NOL4: variants seen among roughly 807,000 people sequenced by gnomAD.
The protein encoded by NOL4 is cancer/testis antigen 125.
NOL4 carries 17 observed loss-of-function variants against 75.9 expected under a neutral mutation model. That is an observed-to-expected ratio of 0.22 (90% confidence interval 0.15 to 0.34). The LOEUF is 0.34. Ranked by LOEUF, NOL4 falls within the 10% of genes least tolerant of loss-of-function variation. NOL4 has a pLI of 1.00. For missense variants in NOL4, 614 were observed against 793.5 expected (o/e 0.77, Z 2.72); for synonymous variants, 292 against 289.9 (o/e 1.01, Z -0.07).
intron 5 of NOL4, among the ~76,000 whole-genome samples, chr18:34,044,489 T>C (rs1383400617): frequency 7.8e-6 from 1 of 127,974 alleles, no homozygotes; most frequent in Non-Finnish European, 1.9e-5. Context: ...TAAAAGACAA[T>C]TTTTTGTTAT....
chr18:33,857,359 T>A lies in NOL4; in HGVS notation c.1724-4324A>T, dbSNP rs144368696. 1.1e-3 allele frequency among the ~76,000 whole-genome samples: 160 copies of A among 152,158 alleles called. 1 individual carries two copies. Among genetic ancestry groups the A allele is most frequent in the East Asian group, 2.1e-3 (11 of 5,174 alleles). On this transcript the variant is annotated intron_variant, in intron 10 of 10. Transcript: ENST00000261592. The stretch of plus-strand genomic sequence containing the variant: ...AACTTCTGATAGGACAAGAAGCTTA[T>A]AAGCAGTTTTCTATTACTGTGATTC...
At chr18:34,075,859 A>ATATATT (rs1339269202) in intron 5 of NOL4, among the ~76,000 whole-genome samples, 1 of 152,160 alleles carries the variant, frequency 6.6e-6, no homozygotes, top group Non-Finnish European at 1.5e-5. Flanking sequence ...TGAAATATAT[A>ATATATT]TATATTTCCA....
intron 9 of NOL4, among the ~76,000 whole-genome samples, chr18:33,941,934 T>A (rs1280191256): frequency 6.6e-6 from 1 of 151,952 alleles, no homozygotes; most frequent in African/African-American, 2.4e-5. Context: ...GGTGGCACGA[T>A]TAGCACATTC....
At chr18:33,992,174 T>A (rs1011297910) in intron 6 of NOL4, among the ~76,000 whole-genome samples, 2 of 152,038 alleles carry the variant, frequency 1.3e-5, no homozygotes, top group Non-Finnish European at 2.9e-5. Flanking sequence ...TTGTGATTTA[T>A]AAAATTAAAT....
intron 5 of NOL4, among the ~76,000 whole-genome samples, chr18:34,058,466 C>A (rs1019524494): frequency 6.6e-6 from 1 of 152,078 alleles, no homozygotes; most frequent in Non-Finnish European, 1.5e-5. Context: ...TTTGCCCCTG[C>A]TTTGTCCTGC....
At chr18:34,064,829 T>C (rs911122661) in intron 5 of NOL4, among the ~76,000 whole-genome samples, 7 of 151,890 alleles carry the variant, frequency 4.6e-5, no homozygotes, top group Middle Eastern at 3.4e-3. Flanking sequence ...AAGTATGTTC[T>C]ATATTTTCTA....
chr18:33,886,986 T>C (rs1599748732), intron 9 of NOL4, among the ~76,000 whole-genome samples: 1 of 140,146 alleles, frequency 7.1e-6, no homozygotes. Flanking sequence ...CATATATATC[T>C]ATATATCTAG....
intron 6 of NOL4, among the ~76,000 whole-genome samples, chr18:34,005,206 T>C (rs2146270099): frequency 6.6e-6 from 1 of 152,214 alleles, no homozygotes; most frequent in South Asian, 2.1e-4. Context: ...GCTTTGAGAT[T>C]TGTCCTCCAG....
intron 1 of NOL4, among the ~76,000 whole-genome samples, chr18:34,199,142 G>T (rs1398977943): frequency 2.4e-5 from 3 of 125,726 alleles, no homozygotes; most frequent in Non-Finnish European, 5.1e-5. Context: ...CTGGGACAGA[G>T]AAGTTTTTTT....
chr18:34,139,169 T>C (rs1365402616), intron 1 of NOL4, among the ~76,000 whole-genome samples: 3 of 152,204 alleles, frequency 2.0e-5, no homozygotes, highest in African/African-American at 4.8e-5. Context: ...CAGGCTTTGG[T>C]ATCAGGATGA....
intron 5 of NOL4, among the ~76,000 whole-genome samples, chr18:34,088,149 C>A (rs2145482138): frequency 6.6e-6 from 1 of 152,014 alleles, no homozygotes; most frequent in East Asian, 1.9e-4. Flanking sequence ...AGTGTTAACT[C>A]AGAAAAGTGA....
intron 6 of NOL4, among the ~76,000 whole-genome samples, chr18:33,960,559 C>T (rs1440549081): frequency 6.6e-6 from 1 of 152,082 alleles, no homozygotes; most frequent in African/African-American, 2.4e-5. Flanking sequence ...TATCACTACA[C>T]ATTTGGTTTT....
chr18:34,223,362 C>G lies in NOL4; in HGVS notation c.-109G>C. On this transcript the variant is annotated 5_prime_UTR_variant, in exon 1 of 11. Coordinates refer to ENST00000261592, the MANE Select transcript of NOL4 (RefSeq NM_003787.5). The stretch of plus-strand genomic sequence containing the variant: ...GCCACGTTGCAGGGATGCGAGGTCC[C>G]GGCCGCAGCGGGAGCCTGCTTTGGG... The G allele has an allele frequency of 5.4e-6, 8 of 1,468,042 alleles. No homozygotes were observed. The South Asian group carries it at 8.0e-5, about 15-fold the overall frequency. The allele number at this position is 1,468,042 out of a possible 1,614,324, so 90.9% of individuals were successfully genotyped here.
chr18:34,159,756 T>G (rs1490907530), intron 1 of NOL4, among the ~76,000 whole-genome samples: 1 of 152,092 alleles, frequency 6.6e-6, no homozygotes, highest in East Asian at 1.9e-4. Flanking sequence ...GCCGGATCCT[T>G]TCTCCCTTTT....
chr18:34,103,495 A>G (rs1211887523), intron 4 of NOL4, among the ~76,000 whole-genome samples: 1 of 152,092 alleles, frequency 6.6e-6, no homozygotes, highest in Admixed American at 6.6e-5. Context: ...AACTTAAAAC[A>G]TCAAAACACT....
At chr18:34,194,917 G>A (rs1279745106) in intron 1 of NOL4, among the ~76,000 whole-genome samples, 8 of 151,714 alleles carry the variant, frequency 5.3e-5, no homozygotes, top group Admixed American at 3.9e-4. Context: ...CTAGCTACTC[G>A]TGAGGCTAGG....
intron 2 of NOL4, among the ~76,000 whole-genome samples, chr18:34,117,909 T>C (rs150242230): frequency 6.6e-6 from 1 of 152,298 alleles, no homozygotes; most frequent in African/African-American, 2.4e-5. Flanking sequence ...ACAATCACTT[T>C]ATAAAGCAAG....
intron 5 of NOL4, among the ~76,000 whole-genome samples, chr18:34,055,369 G>A (rs904002732): frequency 2.6e-5 from 4 of 151,928 alleles, no homozygotes; most frequent in Admixed American, 2.6e-4. Context: ...GAATTATTTT[G>A]TTGGCTGTAG....
At chr18:34,175,773 A>G (rs2033490884) in intron 1 of NOL4, among the ~76,000 whole-genome samples, 2 of 152,172 alleles carry the variant, frequency 1.3e-5, no homozygotes, top group Non-Finnish European at 2.9e-5. Flanking sequence ...ACACATGACA[A>G]AGAATATAGA....
Sources: allele counts gnomAD v4.1 joint callset (sites outside exome capture counted in the v4.1 genomes callset), GRCh38; gene constraint gnomAD v4.1.1; transcripts MANE v1.5; gene names NCBI Gene and HGNC (gene_info 2026-07-23, HGNC 2026-07-21).